NTM: variants seen among roughly 807,000 people sequenced by gnomAD.
NTM encodes the protein neurotrimin.
In NTM, 13 loss-of-function variants were observed where a neutral mutation model predicts 42.1. That is an observed-to-expected ratio of 0.31 (90% CI 0.20 to 0.49). The LOEUF is 0.49. NTM is among the 20% of genes least tolerant of loss of function. The pLI is 0.99. For synonymous variants in NTM, 187 were observed against 179.2 expected, an observed-to-expected ratio of 1.04 and a Z score of -0.35; for missense variants, 373 against 452.8, an observed-to-expected ratio of 0.82 and a Z score of 1.60.
intron 4 of NTM, among the ~76,000 whole-genome samples, chr11:132,215,429 G>A (rs1468787934): frequency 6.6e-6 from 1 of 151,844 alleles, no homozygotes. Flanking sequence ...TCTTTAAATT[G>A]TGCATTTCTA....
At chr11:132,152,106 C>G (rs1056414611) in intron 3 of NTM, among the ~76,000 whole-genome samples, 1 of 152,228 alleles carries the variant, frequency 6.6e-6, no homozygotes, top group Admixed American at 6.5e-5. Context: ...CCCCTCCCCA[C>G]TCTGAATCTG....
intron 3 of NTM, among the ~76,000 whole-genome samples, chr11:132,159,686 C>T (rs1566331947): frequency 6.6e-6 from 1 of 152,134 alleles, no homozygotes; most frequent in Non-Finnish European, 1.5e-5. Context: ...TTCCTGCTGC[C>T]TGCCTTGGAA....
intron 1 of NTM, among the ~76,000 whole-genome samples, chr11:131,515,012 G>A (rs141690282): frequency 7.9e-5 from 12 of 152,188 alleles, no homozygotes; most frequent in African/African-American, 2.6e-4. Context: ...GGGAACAAGC[G>A]ATCCTCCTGC....
chr11:131,564,965 CTG>C (rs1420777987), intron 1 of NTM, among the ~76,000 whole-genome samples: 1 of 152,244 alleles, frequency 6.6e-6, no homozygotes, highest in Admixed American at 6.5e-5. Context: ...CTTTCCCTTG[CTG>C]TGTTTCTAGT....
intron 1 of NTM, among the ~76,000 whole-genome samples, chr11:131,821,356 C>T (rs2093180070): frequency 6.6e-6 from 1 of 152,170 alleles, no homozygotes; most frequent in South Asian, 2.1e-4. Flanking sequence ...CAGGGCAATT[C>T]CTGCTGTGTG....
chr11:132,166,262 T>C (rs2137736019), intron 3 of NTM, among the ~76,000 whole-genome samples: 1 of 152,294 alleles, frequency 6.6e-6, no homozygotes, highest in South Asian at 2.1e-4. Context: ...AGACCTATAA[T>C]GTCAGTTTTG....
intron 2 of NTM, among the ~76,000 whole-genome samples, chr11:132,085,959 C>T (rs114811699): frequency 0.014 from 2,185 of 152,176 alleles, 66 homozygotes; most frequent in African/African-American, 0.051. Context: ...ATCCACGGTG[C>T]CTTTTCTGTT....
intron 2 of NTM, among the ~76,000 whole-genome samples, chr11:132,078,388 T>C (rs1178536285): frequency 6.6e-6 from 1 of 152,242 alleles, no homozygotes; most frequent in Non-Finnish European, 1.5e-5. Flanking sequence ...CTCAGGCTGC[T>C]ACAGCACACT....
intron 1 of NTM, among the ~76,000 whole-genome samples, chr11:131,600,387 T>A (rs1427511544): frequency 6.6e-6 from 1 of 152,212 alleles, no homozygotes; most frequent in Non-Finnish European, 1.5e-5. Context: ...GATTAAAATA[T>A]ATATTATTGT....
intron 1 of NTM, among the ~76,000 whole-genome samples, chr11:131,766,141 C>T (rs547183235): frequency 6.6e-6 from 1 of 152,320 alleles, no homozygotes; most frequent in East Asian, 1.9e-4. Flanking sequence ...GCTCAGACGG[C>T]AGCCAGCTGT....
chr11:132,006,916 C>G (rs553996445), intron 2 of NTM, among the ~76,000 whole-genome samples: 7 of 152,340 alleles, frequency 4.6e-5, no homozygotes, highest in Admixed American at 4.6e-4. Context: ...AGAACATTGA[C>G]TAGTGCTGGC....
intron 2 of NTM, among the ~76,000 whole-genome samples, chr11:132,109,438 T>C (rs2062863098): frequency 6.6e-6 from 1 of 152,208 alleles, no homozygotes; most frequent in African/African-American, 2.4e-5. Flanking sequence ...ACCCTGAATC[T>C]GCCAGCACCT....
chr11:132,169,077 C>T (rs1301341855), intron 3 of NTM, among the ~76,000 whole-genome samples: 2 of 151,916 alleles, frequency 1.3e-5, no homozygotes, highest in East Asian at 1.9e-4. Context: ...TCTAATATTC[C>T]TAGGATTTGA....
intron 1 of NTM, among the ~76,000 whole-genome samples, chr11:131,444,461 C>A (rs1591682765): frequency 2.0e-5 from 3 of 151,980 alleles, no homozygotes; most frequent in African/African-American, 4.8e-5. Flanking sequence ...TGACTAAAAG[C>A]AGTTTCAATA....
At chr11:131,553,476 T>C (rs2054979980) in intron 1 of NTM, among the ~76,000 whole-genome samples, 1 of 152,166 alleles carries the variant, frequency 6.6e-6, no homozygotes, top group African/African-American at 2.4e-5. Context: ...CCTAGTTTAA[T>C]GAATGACAGC....
intron 4 of NTM, among the ~76,000 whole-genome samples, chr11:132,239,618 G>T (rs1186074509): frequency 6.6e-6 from 1 of 152,096 alleles, no homozygotes; most frequent in Non-Finnish European, 1.5e-5. Flanking sequence ...CTTGGCCAAC[G>T]GTATAAATTG....
At chr11:131,385,977 A>G (rs756072209) in intron 1 of NTM, among the ~76,000 whole-genome samples, 7 of 152,264 alleles carry the variant, frequency 4.6e-5, no homozygotes, top group Non-Finnish European at 8.8e-5. Flanking sequence ...CTGGGTATAT[A>G]TTCAACAGAA....
At chr11:131,785,905 G>A (rs568040923) in intron 1 of NTM, among the ~76,000 whole-genome samples, 235 of 152,302 alleles carry the variant, frequency 1.5e-3, no homozygotes, top group South Asian at 8.9e-3. Context: ...GACGGTTTAC[G>A]ATTGAATTTT....
At chr11:131,984,966 T>C (rs1029933967) in intron 2 of NTM, among the ~76,000 whole-genome samples, 5 of 152,176 alleles carry the variant, frequency 3.3e-5, no homozygotes, top group African/African-American at 1.2e-4. Flanking sequence ...TTAAGTAATA[T>C]TGAGCCTTTG....
Sources: gnomAD v4.1 joint callset for allele counts (sites outside exome capture counted in the v4.1 genomes callset) on GRCh38, gnomAD v4.1.1 for gene constraint, MANE v1.5 for transcripts, NCBI Gene and HGNC (gene_info 2026-07-23, HGNC 2026-07-21) for gene names.